The following SEMA3A variants were observed in gnomAD, a reference collection of about 807,000 sequenced individuals.
The protein encoded by SEMA3A is semaphorin-3A.
Under a neutral mutation model 97.9 loss-of-function variants are expected in SEMA3A, and 29 were observed. The ratio of observed to expected loss-of-function variants is 0.30; its 90% CI spans 0.22 to 0.40. The LOEUF (loss-of-function observed/expected upper bound fraction) is 0.40, where lower values mean the gene tolerates loss of function less well. SEMA3A is among the 10% of genes least tolerant of loss of function. The pLI is 1.00. For synonymous variants in SEMA3A, 321 were observed against 323.7 expected (o/e 0.99, Z 0.09); for missense variants, 763 against 951.3 (o/e 0.80, Z 2.60).
intron 4 of SEMA3A, among the ~76,000 whole-genome samples, chr7:84,097,329 AAGT>A (rs1192595963): frequency 6.6e-6 from 1 of 152,144 alleles, no homozygotes; most frequent in Non-Finnish European, 1.5e-5. Context: ...TTGAAACAGA[AAGT>A]AGTCTAATAT....
chr7:84,228,857 C>T (rs964623307), intron 3 of SEMA3A, among the ~76,000 whole-genome samples: 14 of 152,040 alleles, frequency 9.2e-5, no homozygotes, highest in African/African-American at 3.1e-4. Flanking sequence ...ATCATGGTGC[C>T]TTCTATTGAA....
chr7:84,174,657 TATC>T (rs2116216272), intron 1 of SEMA3A, among the ~76,000 whole-genome samples: 1 of 152,342 alleles, frequency 6.6e-6, no homozygotes, highest in African/African-American at 2.4e-5. Flanking sequence ...AGCTATACAT[TATC>T]ATTCACCTCA....
At chr7:84,319,592 T>C (rs568377596) in intron 2 of SEMA3A, among the ~76,000 whole-genome samples, 1 of 151,988 alleles carries the variant, frequency 6.6e-6, no homozygotes, top group Non-Finnish European at 1.5e-5. Flanking sequence ...TTAAATAACA[T>C]TTAACTAAAG....
At chr7:84,334,956 G>T (rs899072247) in intron 2 of SEMA3A, among the ~76,000 whole-genome samples, 3 of 151,762 alleles carry the variant, frequency 2.0e-5, no homozygotes, top group African/African-American at 7.3e-5. Flanking sequence ...AAACAATAAT[G>T]ATTTTATCTT....
At chr7:84,404,308 A>C (rs1804001971) in intron 1 of SEMA3A, among the ~76,000 whole-genome samples, 1 of 152,214 alleles carries the variant, frequency 6.6e-6, no homozygotes, top group Non-Finnish European at 1.5e-5. Flanking sequence ...TGGAAGACAA[A>C]ATGAATGAAA....
intron 3 of SEMA3A, among the ~76,000 whole-genome samples, chr7:84,298,423 T>A (rs1800920203): frequency 6.6e-6 from 1 of 152,102 alleles, no homozygotes; most frequent in South Asian, 2.1e-4. Context: ...AAGATAAAAG[T>A]GACCACCTCA....
At chr7:83,986,083 T>C (rs1378088456) in intron 12 of SEMA3A, among the ~76,000 whole-genome samples, 1 of 152,202 alleles carries the variant, frequency 6.6e-6, no homozygotes, top group African/African-American at 2.4e-5. Context: ...TGATTCAGCA[T>C]GGTCTCAGAG....
intron 1 of SEMA3A, among the ~76,000 whole-genome samples, chr7:84,468,563 A>G (rs996594307): frequency 3.9e-5 from 6 of 152,192 alleles, no homozygotes; most frequent in Non-Finnish European, 8.8e-5. Context: ...GTTATCAACT[A>G]TTAAAGTCAA....
At chr7:84,219,663 T>C (rs1798829995) in intron 3 of SEMA3A, among the ~76,000 whole-genome samples, 1 of 152,206 alleles carries the variant, frequency 6.6e-6, no homozygotes, top group African/African-American at 2.4e-5. Context: ...AAATACTTTA[T>C]TGCTAAAAAT....
At chr7:84,418,135 G>C (rs1235641843) in intron 1 of SEMA3A, among the ~76,000 whole-genome samples, 1 of 152,002 alleles carries the variant, frequency 6.6e-6, no homozygotes. Context: ...CAGTGGACTG[G>C]GAGAGGAAGA....
intron 6 of SEMA3A, among the ~76,000 whole-genome samples, chr7:84,019,597 A>G (rs964255458): frequency 6.6e-6 from 1 of 152,192 alleles, no homozygotes; most frequent in African/African-American, 2.4e-5. Context: ...CAGACACTGT[A>G]TGCTCTAGAG....
Position 83,957,727 on chromosome 7 carries a change from A to C in SEMA3A, c.*3644T>G, listed in dbSNP as rs546501251. The C allele has an allele frequency of 6.6e-6, 1 of 152,244 alleles. No homozygotes were observed. Among genetic ancestry groups the C allele is most frequent in the Non-Finnish European group, 1.5e-5 (1 of 67,980 alleles). The allele number at this position is 152,244 out of a possible 1,614,324, so 9.4% of individuals were successfully genotyped here. ...ATGAGATTTTACAGATTTTTGAAAA[A>C]TAATGTTTTCTTCTTTATGGAAACA... On this transcript the variant is annotated 3_prime_UTR_variant, in exon 17 of 17. Transcript: ENST00000265362.
At chr7:84,340,796 A>AT (rs1319386034) in intron 2 of SEMA3A, among the ~76,000 whole-genome samples, 1 of 126,828 alleles carries the variant, frequency 7.9e-6, no homozygotes, top group Non-Finnish European at 1.6e-5. Context: ...AAAAAAAAAA[A>AT]AATCAAAATA....
At chr7:84,091,570 C>CA (rs1794606283) in intron 4 of SEMA3A, among the ~76,000 whole-genome samples, 1 of 152,108 alleles carries the variant, frequency 6.6e-6, no homozygotes, top group African/African-American at 2.4e-5. Context: ...CAGCCGAGTG[C>CA]TTTACTAGGT....
At chr7:84,391,400 A>G (rs1803571667) in intron 1 of SEMA3A, among the ~76,000 whole-genome samples, 1 of 152,136 alleles carries the variant, frequency 6.6e-6, no homozygotes, top group Non-Finnish European at 1.5e-5. Flanking sequence ...ATCAATGTGA[A>G]GAGGGATGCT....
chr7:84,010,771 A>G (rs1258903262), intron 9 of SEMA3A, among the ~76,000 whole-genome samples: 1 of 152,184 alleles, frequency 6.6e-6, no homozygotes, highest in East Asian at 1.9e-4. Context: ...AAAGATATGC[A>G]TAAGATGACA....
At chr7:84,206,354 G>A (rs1004900671) in intron 3 of SEMA3A, among the ~76,000 whole-genome samples, 1 of 144,494 alleles carries the variant, frequency 6.9e-6, no homozygotes, top group African/African-American at 2.6e-5. Context: ...ACAGAATCTG[G>A]CTCTGTCGCC....
At chr7:84,463,237 CTTTTTTTTTTTTTTTT>C (rs59465422) in intron 1 of SEMA3A, among the ~76,000 whole-genome samples, 18 of 71,372 alleles carry the variant, frequency 2.5e-4, no homozygotes, top group East Asian at 5.8e-4. Context: ...TGTAACTATT[CTTTTTTTTTTTTTTTT>C]TTTTTTTTTT....
rs62473952 is a variant in SEMA3A, at chr7:84,063,121, A to G, written c.454-2563T>C. ...AGTGGGTCCCTGACCCCTGACCCCTAAGCAACCTAACTGTGAGGCACCCCC... is the reference window on the plus strand; with the variant it reads ...AGTGGGTCCCTGACCCCTGACCCCTGAGCAACCTAACTGTGAGGCACCCCC... On this transcript the variant is annotated intron_variant, in intron 4 of 16. Coordinates refer to ENST00000265362, the MANE Select transcript of SEMA3A (RefSeq NM_006080.3). 6.3e-4 allele frequency among the ~76,000 whole-genome samples: 95 copies of G among 150,764 alleles called. 1 individual carries two copies. The highest frequency in any genetic ancestry group is 4.0e-3 in the South Asian group (19 of 4,758).
Sources: gnomAD v4.1 joint callset for allele counts (sites outside exome capture counted in the v4.1 genomes callset) on GRCh38, gnomAD v4.1.1 for gene constraint, MANE v1.5 for transcripts, NCBI Gene and HGNC (gene_info 2026-07-23, HGNC 2026-07-21) for gene names.